The following NCOA2 variants were observed in gnomAD, a reference collection of about 807,000 sequenced individuals.
NCOA2 encodes the protein class E basic helix-loop-helix protein 75.
NCOA2 carries 21 observed loss-of-function variants against 145.1 expected under a neutral mutation model. The ratio of observed to expected loss-of-function variants is 0.14; its 90% CI spans 0.10 to 0.21. NCOA2 has a LOEUF of 0.21. NCOA2 is among the 10% of genes least tolerant of loss of function. The probability of loss-of-function intolerance (pLI) is 1.00; values close to 1 mark genes in which losing one functional copy is unlikely to be tolerated. For synonymous variants in NCOA2, 619 were observed against 637.5 expected (o/e 0.97, Z 0.44); for missense variants, 1,472 against 1,837.6 (o/e 0.80, Z 3.64).
At chr8:70,409,398 C>G in the NCOA2 span, among the ~76,000 whole-genome samples, 1 of 151,968 alleles carries the variant, frequency 6.6e-6, no homozygotes, top group African/African-American at 2.4e-5. Context: ...GAAATAGGCC[C>G]CCAAACTTAT....
intron 1 of NCOA2, among the ~76,000 whole-genome samples, chr8:70,346,600 A>T (rs1161714452): frequency 6.6e-6 from 1 of 152,196 alleles, no homozygotes; most frequent in Non-Finnish European, 1.5e-5. Context: ...CCAAAAGTGG[A>T]GTGGATGCTC....
rs73288556 is a variant in NCOA2 at position 70,369,497 on chromosome 8, A to G, written c.-77+34203T>C. Reference sequence around the variant, plus strand: ...TAATATATTGCAACTCAGTTTTCTGATTAGTGAGGCATGGACCCAATTATC... The same window carrying G: ...TAATATATTGCAACTCAGTTTTCTGGTTAGTGAGGCATGGACCCAATTATC... On this transcript the variant is annotated intron_variant, in intron 1 of 22. Transcript: ENST00000452400. Among the ~76,000 whole-genome samples the G allele has an allele frequency of 4.2e-3, 643 of 152,336 alleles. 6 individuals are homozygous for G. The highest frequency in any genetic ancestry group is 0.015 in the African/African-American group (614 of 41,570).
chr8:70,422,613 G>T, the NCOA2 span, among the ~76,000 whole-genome samples: 1 of 151,948 alleles, frequency 6.6e-6, no homozygotes, highest in Admixed American at 6.6e-5. Flanking sequence ...GTCTTACTAT[G>T]TTGCCTAGGA....
chr8:70,355,744 C>T (rs564859029), intron 1 of NCOA2, among the ~76,000 whole-genome samples: 1 of 152,090 alleles, frequency 6.6e-6, no homozygotes, highest in Non-Finnish European at 1.5e-5. Context: ...CTGCCTGAAG[C>T]CCTAGGCTAA....
chr8:70,420,651 T>C, the NCOA2 span, among the ~76,000 whole-genome samples: 1 of 152,138 alleles, frequency 6.6e-6, no homozygotes, highest in African/African-American at 2.4e-5. Context: ...GTTGTTGTTT[T>C]TGTGTTTTGT....
At chr8:70,139,644 C>CTTTTT (rs911504754) in intron 14 of NCOA2, among the ~76,000 whole-genome samples, 8 of 91,856 alleles carry the variant, frequency 8.7e-5, no homozygotes, top group African/African-American at 1.5e-4. Flanking sequence ...CGCTGGCCAT[C>CTTTTT]TTTTTTTTTT....
At chr8:70,302,258 G>C (rs889193788) in intron 1 of NCOA2, among the ~76,000 whole-genome samples, 1 of 152,062 alleles carries the variant, frequency 6.6e-6, no homozygotes, top group Non-Finnish European at 1.5e-5. Context: ...CACTGCAGAA[G>C]ACTTAATAAT....
At chr8:70,317,754 T>G (rs532401143) in intron 1 of NCOA2, among the ~76,000 whole-genome samples, 36 of 152,192 alleles carry the variant, frequency 2.4e-4, no homozygotes, top group Non-Finnish European at 4.9e-4. Flanking sequence ...TCTATTGGTA[T>G]GTAGAAGCTT....
chr8:70,164,091 T>C lies in NCOA2; in HGVS notation c.731-525A>G, dbSNP rs144510048. 1.4e-3 allele frequency among the ~76,000 whole-genome samples: 210 copies of C among 152,250 alleles called. 1 individual carries two copies. The highest frequency in any genetic ancestry group is 4.7e-3 in the African/African-American group (196 of 41,558). On this transcript the variant is annotated intron_variant, in intron 7 of 22. Transcript: ENST00000452400. ...AACATGCAATTTAAAGCAAAGAATATAAACTGGGTCTAGACGCAGATTCAG... is the reference window on the plus strand; with the variant it reads ...AACATGCAATTTAAAGCAAAGAATACAAACTGGGTCTAGACGCAGATTCAG...
chr8:70,239,740 TAAGA>T (rs1821958802), intron 2 of NCOA2, among the ~76,000 whole-genome samples: 2 of 152,022 alleles, frequency 1.3e-5, no homozygotes, highest in African/African-American at 2.4e-5. Flanking sequence ...TTGGGATAAT[TAAGA>T]GAGAGAATTG....
At position 70,112,498 on chromosome 8, in the gene NCOA2, T is replaced by C; in HGVS notation, c.*1134A>G. 4.9e-6 allele frequency: 1 copy of C among 204,388 alleles called. No homozygotes were observed. Among genetic ancestry groups the C allele is most frequent in the Non-Finnish European group, 1.0e-5 (1 of 99,750 alleles). The allele number at this position is 204,388 out of a possible 1,614,324, so 12.7% of individuals were successfully genotyped here. On this transcript the variant is annotated 3_prime_UTR_variant, in exon 23 of 23. Transcript: ENST00000452400. The stretch of plus-strand genomic sequence containing the variant: ...CAGAGGTTAAATCTGTCGTGATATC[T>C]GCTATCAATTTAAACACACTGGCGT...
At chr8:70,175,027 A>G (rs1814671817) in intron 4 of NCOA2, among the ~76,000 whole-genome samples, 168 bp from the exon 5 acceptor site, 1 of 152,234 alleles carries the variant, frequency 6.6e-6, no homozygotes. Context: ...AACTGCTGGA[A>G]GCAGAAGCCA....
Position 70,126,887 on chromosome 8 carries a change from C to T in NCOA2, c.3842G>A (p.Gly1281Asp), listed in dbSNP as rs61754972. Residue 1281 changes from glycine to aspartate, a missense_variant, in exon 19 of 23, where the codon GGT becomes GAT. By Grantham distance (94) the Gly-to-Asp change is moderately conservative (BLOSUM62 -1). This residue lies in a region of NCOA2 where 232 missense variants were observed against 290.6 expected (regional missense o/e 0.80). Coordinates refer to ENST00000452400, the MANE Select transcript of NCOA2 (RefSeq NM_006540.4). Reference protein sequence around the residue: ...NMTPSMVAPSGMPATMSNPRI... With the variant: ...NMTPSMVAPSDMPATMSNPRI... ...AGGGTTGCTCATAGTTGCTGGCATA[C>T]CACTAGGAGCCACCATGCTTGGTGT... 1.3e-3 allele frequency: 2,053 copies of T among 1,613,988 alleles called. 5 individuals carry two copies. Among genetic ancestry groups the T allele is most frequent in the Non-Finnish European group, 1.6e-3 (1,852 of 1,179,896 alleles).
At chr8:70,159,242 A>ATATATATATATATATTT in intron 10 of NCOA2, among the ~76,000 whole-genome samples, 3 of 61,078 alleles carry the variant, frequency 4.9e-5, no homozygotes, top group African/African-American at 1.6e-4. Context: ...ATATATATAT[A>ATATATATATATATATTT]TTTTTTTTTT....
chr8:70,323,658 T>C (rs904694679), intron 1 of NCOA2, among the ~76,000 whole-genome samples: 1 of 152,196 alleles, frequency 6.6e-6, no homozygotes, highest in African/African-American at 2.4e-5. Context: ...CCATAAACGA[T>C]GTGTAAATCA....
rs552501799 is a variant in NCOA2, at chr8:70,276,433, T to C, written c.-20+20311A>G. The stretch of plus-strand genomic sequence containing the variant: ...ATGCCAAATTTTAAGTACACTGATA[T>C]AGTTTGGTTGTGTCCCCACCCAAAT... On this transcript the variant is annotated intron_variant, in intron 2 of 22. Coordinates refer to ENST00000452400, the MANE Select transcript of NCOA2 (RefSeq NM_006540.4). 4.6e-5 allele frequency among the ~76,000 whole-genome samples: 7 copies of C among 152,274 alleles called. No homozygotes were observed. In the South Asian group the frequency reaches 1.5e-3, roughly 32 times the overall value.
intron 1 of NCOA2, among the ~76,000 whole-genome samples, chr8:70,322,929 G>C (rs995024564): frequency 3.3e-5 from 5 of 152,102 alleles, no homozygotes; most frequent in Non-Finnish European, 5.9e-5. Context: ...GTATTTCTGG[G>C]TTCTACAAAG....
intron 1 of NCOA2, among the ~76,000 whole-genome samples, chr8:70,330,675 T>C (rs1369224582): frequency 1.3e-5 from 2 of 151,542 alleles, no homozygotes; most frequent in African/African-American, 4.8e-5. Context: ...AAATTAAAAT[T>C]TGGAAAAGTC....
intron 2 of NCOA2, among the ~76,000 whole-genome samples, chr8:70,221,931 A>G (rs906515568): frequency 2.6e-5 from 4 of 152,192 alleles, no homozygotes; most frequent in African/African-American, 9.7e-5. Flanking sequence ...TTTACCTAGT[A>G]AAATTATGTA....
Sources: gnomAD v4.1 joint callset for allele counts (sites outside exome capture counted in the v4.1 genomes callset) on GRCh38, gnomAD v4.1.1 for gene constraint, gnomAD v4.1.1 regional missense constraint, MANE v1.5 for transcripts, NCBI Gene and HGNC (gene_info 2026-07-23, HGNC 2026-07-21) for gene names.